Variants in PRR16 observed in about 807,000 individuals in gnomAD.
The protein encoded by PRR16 is protein Largen.
In PRR16, 6 loss-of-function variants were observed where a neutral mutation model predicts 18.2. That is an observed-to-expected ratio of 0.33 (90% CI 0.18 to 0.65). The LOEUF is 0.65. PRR16 is among the 30% of genes least tolerant of loss of function. The probability of loss-of-function intolerance (pLI) is 0.74; values close to 1 mark genes in which losing one functional copy is unlikely to be tolerated. For synonymous variants in PRR16, 151 were observed against 147.8 expected, an observed-to-expected ratio of 1.02 and a Z score of -0.16; for missense variants, 412 against 376.6, an observed-to-expected ratio of 1.09 and a Z score of -0.78.
rs139444886 is a variant in PRR16, at chr5:120,505,189, T to C, written c.159+40544T>C. On this transcript the variant is annotated intron_variant, in intron 1 of 1. Transcript: ENST00000407149. ...CTAGTGGAAATGAGTTGCAGGATAATATAAACTTAATGAAGCTTCTCATAA... is the reference window on the plus strand; with the variant it reads ...CTAGTGGAAATGAGTTGCAGGATAACATAAACTTAATGAAGCTTCTCATAA... Among the ~76,000 whole-genome samples, 531 of 152,352 alleles carry C rather than the reference T, an allele frequency of 3.5e-3. 5 individuals carry two copies. The highest frequency in any genetic ancestry group is 0.012 in the African/African-American group (506 of 41,598).
the PRR16 span, among the ~76,000 whole-genome samples, chr5:120,699,799 G>A: frequency 4.6e-5 from 7 of 152,304 alleles, no homozygotes; most frequent in South Asian, 2.1e-4. Context: ...AAGGAAAGGA[G>A]TTGTTGTTTT....
At chr5:120,586,009 C>T (rs1306992931) in intron 1 of PRR16, among the ~76,000 whole-genome samples, 3 of 151,810 alleles carry the variant, frequency 2.0e-5, no homozygotes, top group African/African-American at 4.8e-5. Context: ...CCTGTCTCTA[C>T]TAAAAATACA....
chr5:120,593,693 A>C lies in PRR16; in HGVS notation c.160-92261A>C, dbSNP rs181790366. Among the ~76,000 whole-genome samples the C allele has an allele frequency of 1.1e-3, 170 of 152,246 alleles. 2 individuals are homozygous for C. Among genetic ancestry groups the C allele is most frequent in the Admixed American group, 4.9e-3 (75 of 15,268 alleles). ...CCTGATACCAAAACCTGGTAGAGGC[A>C]CAACGAAAGGAAGGATATCAGGACA... On this transcript the variant is annotated intron_variant, in intron 1 of 1. Transcript: ENST00000407149.
At chr5:120,536,233 C>A (rs868208782) in intron 1 of PRR16, among the ~76,000 whole-genome samples, 4 of 152,110 alleles carry the variant, frequency 2.6e-5, no homozygotes, top group Non-Finnish European at 5.9e-5. Context: ...TCCTTAGTAA[C>A]CAATTGATTT....
chr5:120,473,545 G>T (rs1411626342), intron 1 of PRR16, among the ~76,000 whole-genome samples: 1 of 152,144 alleles, frequency 6.6e-6, no homozygotes, highest in South Asian at 2.1e-4. Context: ...TGAGTTCTTT[G>T]TAGAACGTTT....
At chr5:120,789,242 C>T in the PRR16 span, among the ~76,000 whole-genome samples, 1 of 152,056 alleles carries the variant, frequency 6.6e-6, no homozygotes, top group African/African-American at 2.4e-5. Context: ...ATATTCTTTA[C>T]TACATCTTAA....
At chr5:120,721,559 A>G in the PRR16 span, among the ~76,000 whole-genome samples, 1 of 152,044 alleles carries the variant, frequency 6.6e-6, no homozygotes, top group East Asian at 1.9e-4. Flanking sequence ...GAATCCCTAA[A>G]GAGGCAACAC....
chr5:120,582,231 C>T (rs998835678), intron 1 of PRR16, among the ~76,000 whole-genome samples: 5 of 151,972 alleles, frequency 3.3e-5, no homozygotes, highest in Admixed American at 3.3e-4. Context: ...CATGTTCTTA[C>T]TTATAAGTGG....
chr5:120,698,175 T>C, the PRR16 span, among the ~76,000 whole-genome samples: 241 of 152,050 alleles, frequency 1.6e-3, no homozygotes, highest in African/African-American at 5.3e-3. Flanking sequence ...GGGTGAGGGG[T>C]GGCGTGGGAA....
chr5:120,504,933 T>C (rs1416426843), intron 1 of PRR16, among the ~76,000 whole-genome samples: 1 of 152,100 alleles, frequency 6.6e-6, no homozygotes, highest in South Asian at 2.1e-4. Context: ...CAGAAACTCA[T>C]GGGAACAGGA....
the PRR16 span, among the ~76,000 whole-genome samples, chr5:120,724,041 C>T: frequency 6.6e-6 from 1 of 150,884 alleles, no homozygotes. Flanking sequence ...TATTTTCTTC[C>T]AGTCTTTGAA....
At chr5:120,600,958 T>C (rs551715101) in intron 1 of PRR16, among the ~76,000 whole-genome samples, 4 of 152,196 alleles carry the variant, frequency 2.6e-5, no homozygotes, top group African/African-American at 9.6e-5. Flanking sequence ...CACATTTTCT[T>C]TATCCGGCCC....
intron 1 of PRR16, among the ~76,000 whole-genome samples, chr5:120,483,465 A>AT (rs55889148): frequency 6.6e-6 from 1 of 151,916 alleles, no homozygotes; most frequent in Admixed American, 6.6e-5. Context: ...ACATACATAC[A>AT]AACACAGCTT....
chr5:120,574,554 A>T (rs1482957031), intron 1 of PRR16, among the ~76,000 whole-genome samples: 1 of 149,792 alleles, frequency 6.7e-6, no homozygotes, highest in Non-Finnish European at 1.5e-5. Context: ...CAGAATCAAG[A>T]TCATGCCATT....
chr5:120,584,072 G>A (rs556418597), intron 1 of PRR16, among the ~76,000 whole-genome samples: 1 of 152,246 alleles, frequency 6.6e-6, no homozygotes, highest in African/African-American at 2.4e-5. Flanking sequence ...ATGATAAAAG[G>A]TAAAAGCAAG....
intron 1 of PRR16, among the ~76,000 whole-genome samples, chr5:120,634,042 C>T (rs1755147837): frequency 6.6e-6 from 1 of 152,106 alleles, no homozygotes; most frequent in Non-Finnish European, 1.5e-5. Flanking sequence ...AAACAAGTCT[C>T]AGTAAATTTA....
chr5:120,790,324 A>G, the PRR16 span: 1 of 152,248 alleles, frequency 6.6e-6, no homozygotes, highest in Non-Finnish European at 1.5e-5. Context: ...AACTGTTCCC[A>G]GATGTGAGAC....
chr5:120,773,594 C>T, the PRR16 span, among the ~76,000 whole-genome samples: 1 of 151,980 alleles, frequency 6.6e-6, no homozygotes, highest in South Asian at 2.1e-4. Flanking sequence ...AGAATTTATT[C>T]TACATGGTCA....
intron 1 of PRR16, among the ~76,000 whole-genome samples, chr5:120,574,835 C>T (rs80013225): frequency 0.051 from 7,638 of 148,842 alleles, 345 homozygotes; most frequent in East Asian, 0.1. Context: ...GACAACTGTT[C>T]GAGAGTGTAC....
Sources: allele counts gnomAD v4.1 joint callset (sites outside exome capture counted in the v4.1 genomes callset), GRCh38; gene constraint gnomAD v4.1.1; transcripts MANE v1.5; gene names NCBI Gene and HGNC (gene_info 2026-07-23, HGNC 2026-07-21).